Variants in PNPT1 observed in about 807,000 individuals in gnomAD.
PNPT1 encodes the protein polyribonucleotide nucleotidyltransferase 1.
PNPT1 carries 53 observed loss-of-function variants against 119.5 expected under a neutral mutation model. That is an observed-to-expected ratio of 0.44 (90% CI 0.36 to 0.56). The LOEUF is 0.56. Among genes scored for constraint, PNPT1 ranks in the 20% least tolerant of loss-of-function variants. The pLI, the probability that PNPT1 is intolerant of heterozygous loss-of-function variation, is 0.00. For missense variants in PNPT1, 948 were observed against 938.5 expected, an observed-to-expected ratio of 1.01 and a Z score of -0.13; for synonymous variants, 357 against 322.1, an observed-to-expected ratio of 1.11 and a Z score of -1.16.
At position 55,685,017 on chromosome 2, in the gene PNPT1, C is replaced by G; in HGVS notation, c.329G>C (p.Gly110Ala). The G allele has an allele frequency of 2.5e-6, 4 of 1,595,744 alleles. No homozygotes were observed. Among genetic ancestry groups the G allele is most frequent in the Non-Finnish European group, 3.4e-6 (4 of 1,167,696 alleles). Residue 110 changes from glycine (G) to alanine (A), a missense_variant, in exon 4 of 28, where the codon GGT becomes GCT. Gly to Ala is a moderately conservative substitution (Grantham distance 60). Transcript: ENST00000447944. The part of the protein sequence containing the change: ...VDYRQKAAAA[G>A]RIPTNYLRRE... ...TCTCAGATAGTTTGTGGGAATTCTA[C>G]CTGCTGCAGCAGCTTTTTGTCTGTA...
chr2:55,676,061 G>T (rs1450436197), intron 8 of PNPT1, among the ~76,000 whole-genome samples: 1 of 151,980 alleles, frequency 6.6e-6, no homozygotes, highest in Admixed American at 6.6e-5. Flanking sequence ...AGGAGTTTGA[G>T]ACCAGCCTGG....
intron 18 of PNPT1, among the ~76,000 whole-genome samples, chr2:55,651,250 G>A (rs1319247809): frequency 2.6e-5 from 4 of 151,052 alleles, no homozygotes; most frequent in African/African-American, 7.3e-5. Context: ...CCCTCTGCCC[G>A]GCCACCACCC....
At position 55,693,677 on chromosome 2, in the gene PNPT1, C is replaced by A. The variant is rs752284554; in HGVS notation, c.147G>T (p.Val49=). The change falls in exon 1 of 28, where the codon GTG becomes GTT. Residue 49 remains valine, a synonymous_variant. Transcript: ENST00000447944. ...TCACTCCTTACCTGTTGCCTAAGTC[C>A]ACGGCCACAGCTCGAGACCCTGCGC... ...WSSAGSRAVA[V]DLGNRKLEIS... is the part of the protein sequence containing the mutation. 28 of 1,614,102 alleles carry A rather than the reference C, an allele frequency of 1.7e-5. No homozygotes were observed. Among genetic ancestry groups the A allele is most frequent in the Non-Finnish European group, 2.1e-5 (25 of 1,180,048 alleles).
chr2:55,679,086 G>C (rs1426999321), intron 8 of PNPT1, among the ~76,000 whole-genome samples: 1 of 152,138 alleles, frequency 6.6e-6, no homozygotes, highest in African/African-American at 2.4e-5. Flanking sequence ...CATTCTGACT[G>C]CTAAAGCCCA....
At position 55,650,916 on chromosome 2, in the gene PNPT1, C is replaced by T. The variant is rs1286351022; in HGVS notation, c.1496-3463G>A. On this transcript the variant is annotated intron_variant, in intron 18 of 27. Coordinates refer to ENST00000447944, the MANE Select transcript of PNPT1 (RefSeq NM_033109.5). ...GAGGTGGGGGGGTCAGCCCCCCGCC[C>T]GGCCAGCCGCCCCGTCCGGGAGGGA... Among the ~76,000 whole-genome samples the T allele has an allele frequency of 5.4e-4, 82 of 150,542 alleles. No individual in the cohort carries two copies. In the East Asian group the frequency reaches 0.01, roughly 19 times the overall value.
At position 55,645,342 on chromosome 2, in the gene PNPT1, G is replaced by T. The variant is rs1695955903; in HGVS notation, c.1822+7C>A. On this transcript the variant is annotated splice_region_variant and intron_variant, in intron 22 of 27. Coordinates refer to ENST00000447944, the MANE Select transcript of PNPT1 (RefSeq NM_033109.5). The stretch of plus-strand genomic sequence containing the variant: ...CCCAGCCGATCACTAAAATTTTAAT[G>T]TATTACCTACAACAGGTCCATTTTC... 1 of 1,592,982 alleles carries T rather than the reference G, an allele frequency of 6.3e-7. No individual in the cohort carries two copies. Among genetic ancestry groups the T allele is most frequent in the African/African-American group, 1.3e-5 (1 of 74,094 alleles).
chr2:55,643,562 T>C lies in PNPT1; in HGVS notation c.1907-137A>G, dbSNP rs13015243. On this transcript the variant is annotated intron_variant, in intron 23 of 27. Transcript: ENST00000447944. ...GAGTTCAAGGCCAGCCTGGGCAACA[T>C]AGGGAGAGCCTGTTACTACAAAAAA... is the stretch of plus-strand genomic sequence containing the variant. 0.13 allele frequency: 87,234 copies of C among 692,200 alleles called. 6,616 individuals carry two copies. Among genetic ancestry groups the C allele is most frequent in the East Asian group, 0.25 (9,307 of 37,102 alleles). 42.9% of individuals were successfully genotyped at this position (692,200 alleles called of 1,614,324 possible).
chr2:55,672,777 G>C (rs1015701998), intron 9 of PNPT1, 116 bp downstream of exon 9: 15 of 991,114 alleles, frequency 1.5e-5, no homozygotes, highest in Non-Finnish European at 2.1e-5. Context: ...TCTTAAAACA[G>C]AAAAGTGCTA....
chr2:55,656,673 A>G (rs1033544401), intron 15 of PNPT1, among the ~76,000 whole-genome samples: 1 of 152,184 alleles, frequency 6.6e-6, no homozygotes, highest in African/African-American at 2.4e-5. Flanking sequence ...TATTTTTGTA[A>G]TAAGTAAAAA....
At chr2:55,691,836 A>G (rs1484602213) in intron 1 of PNPT1, among the ~76,000 whole-genome samples, 1 of 141,594 alleles carries the variant, frequency 7.1e-6, no homozygotes, top group Non-Finnish European at 1.5e-5. Flanking sequence ...ATTACTCTTC[A>G]ATTAAAAATG....
At chr2:55,642,334 C>T (rs934941639) in intron 25 of PNPT1, among the ~76,000 whole-genome samples, 47 of 151,202 alleles carry the variant, frequency 3.1e-4, no homozygotes, top group Admixed American at 2.4e-3. Context: ...TGGCCGGGCG[C>T]GGTGGCTCAA....
rs1483171489 is a variant in PNPT1, at chr2:55,654,149, C to T, written c.1495+751G>A. The stretch of plus-strand genomic sequence containing the variant: ...GCACGCACCTGTAATTCCAGCTACT[C>T]AGGAGGCTGAGGCAGAAGAATCACT... On this transcript the variant is annotated intron_variant, in intron 18 of 27. Coordinates refer to ENST00000447944, the MANE Select transcript of PNPT1 (RefSeq NM_033109.5). 2.0e-5 allele frequency among the ~76,000 whole-genome samples: 3 copies of T among 151,050 alleles called. No homozygotes were observed. In the Admixed American group the frequency reaches 2.0e-4, roughly 10 times the overall value.
Position 55,644,745 on chromosome 2 carries a change from A to G in PNPT1, c.1823-25T>C. 5 of 1,552,586 alleles carry G rather than the reference A, an allele frequency of 3.2e-6. No homozygotes were observed. The Admixed American group carries it at 5.1e-5, about 16-fold the overall frequency. On this transcript the variant is annotated intron_variant, in intron 22 of 27. Coordinates refer to ENST00000447944, the MANE Select transcript of PNPT1 (RefSeq NM_033109.5). ...TCTGGAACGTAATACAGACAAATAT[A>G]TAAACAATTCAACTACATACATGAA... is the stretch of plus-strand genomic sequence containing the variant.
intron 1 of PNPT1, among the ~76,000 whole-genome samples, chr2:55,691,347 T>C (rs369439629): frequency 6.6e-6 from 1 of 152,230 alleles, no homozygotes; most frequent in African/African-American, 2.4e-5. Context: ...ACAATAATTA[T>C]ATAATCTTCC....
chr2:55,656,942 T>C (rs1696405865), intron 15 of PNPT1, among the ~76,000 whole-genome samples: 1 of 152,222 alleles, frequency 6.6e-6, no homozygotes, highest in Non-Finnish European at 1.5e-5. Flanking sequence ...TTTTAGCCAG[T>C]GGTTGCAAAC....
At chr2:55,681,977 T>TA (rs1288745088) in intron 5 of PNPT1, among the ~76,000 whole-genome samples, 4 of 151,678 alleles carry the variant, frequency 2.6e-5, no homozygotes, top group South Asian at 4.2e-4. Context: ...CCGTCTCTAC[T>TA]AAAAAAATAC....
Position 55,661,824 on chromosome 2 carries a change from A to G in PNPT1, c.1247+132T>C, listed in dbSNP as rs138713325. 8.8e-5 allele frequency: 72 copies of G among 814,090 alleles called. 1 individual carries two copies. In the African/African-American group the frequency reaches 1.2e-3, roughly 13 times the overall value. 50.4% of individuals were successfully genotyped at this position (814,090 alleles called of 1,614,324 possible). ...CACAAAATCCTTTGAAATCATGATG[A>G]TGTAAACAGAAAAATGAAGTACAAA... On this transcript the variant is annotated intron_variant, in intron 14 of 27. Coordinates refer to ENST00000447944, the MANE Select transcript of PNPT1 (RefSeq NM_033109.5).
intron 12 of PNPT1, 88 bp from the exon 13 acceptor site, chr2:55,667,181 T>A: frequency 2.1e-6 from 2 of 940,342 alleles, no homozygotes; most frequent in Non-Finnish European, 3.4e-6. Context: ...GTTCTCAACC[T>A]CAGTTGTGTA....
chr2:55,675,684 G>A (rs1446234415), intron 8 of PNPT1, among the ~76,000 whole-genome samples: 3 of 152,054 alleles, frequency 2.0e-5, no homozygotes, highest in African/African-American at 7.2e-5. Flanking sequence ...GCAACAGAGT[G>A]AGACTGTCTT....
Sources: gnomAD v4.1 joint callset for allele counts (sites outside exome capture counted in the v4.1 genomes callset) on GRCh38, gnomAD v4.1.1 for gene constraint, MANE v1.5 for transcripts, NCBI Gene and HGNC (gene_info 2026-07-23, HGNC 2026-07-21) for gene names.